Variants in MBD2 observed in about 807,000 individuals in gnomAD.
MBD2 encodes methyl-CpG binding domain protein 2, also known as methyl-CpG-binding domain protein 2.
MBD2 carries 9 observed loss-of-function variants against 39.3 expected under a neutral mutation model. The ratio of observed to expected loss-of-function variants is 0.23; its 90% CI spans 0.14 to 0.40. The LOEUF is 0.40. MBD2 is among the 10% of genes least tolerant of loss of function. MBD2 has a pLI of 1.00. For synonymous variants in MBD2, 233 were observed against 211.1 expected (o/e 1.10, Z -0.90); for missense variants, 458 against 532.6 (o/e 0.86, Z 1.38).
chr18:54,222,836 T>C (rs987414022), intron 1 of MBD2, among the ~76,000 whole-genome samples: 5 of 152,274 alleles, frequency 3.3e-5, no homozygotes, highest in African/African-American at 1.2e-4. Flanking sequence ...TGTGTGCATA[T>C]GTATGTATAT....
intron 3 of MBD2, among the ~76,000 whole-genome samples, chr18:54,179,330 C>A (rs656306): frequency 0.41 from 61,815 of 152,032 alleles, 12,934 homozygotes; most frequent in East Asian, 0.57. Context: ...CTTCCAGAGA[C>A]TATAAGAAGG....
intron 1 of MBD2, among the ~76,000 whole-genome samples, chr18:54,208,425 G>A (rs1349435331): frequency 6.6e-6 from 1 of 152,182 alleles, no homozygotes; most frequent in Non-Finnish European, 1.5e-5. Flanking sequence ...CCAGGAGACA[G>A]ACGTTGCGGC....
intron 2 of MBD2, chr18:54,203,149 G>A: frequency 1.2e-6 from 2 of 1,604,170 alleles, no homozygotes; most frequent in African/African-American, 2.7e-5. Flanking sequence ...ATTAGTGTTT[G>A]GTTTTTGATG....
intron 1 of MBD2, among the ~76,000 whole-genome samples, chr18:54,208,986 T>C (rs957075860): frequency 1.3e-5 from 2 of 152,164 alleles, no homozygotes; most frequent in African/African-American, 4.8e-5. Flanking sequence ...ATTTCTATTG[T>C]TTATTAATTT....
intron 1 of MBD2, chr18:54,222,273 TAATCAGAA>T: frequency 2.2e-6 from 1 of 457,544 alleles, no homozygotes. Context: ...CCTTTTTTTT[TAATCAGAA>T]GAAATTGTCC....
At chr18:54,200,036 T>G (rs1039619734) in intron 2 of MBD2, among the ~76,000 whole-genome samples, 10 of 152,154 alleles carry the variant, frequency 6.6e-5, no homozygotes, top group Admixed American at 3.3e-4. Flanking sequence ...CCAATCCAAG[T>G]GTGTATTTAT....
chr18:54,163,948 A>T (rs970807218), intron 5 of MBD2, among the ~76,000 whole-genome samples: 2 of 152,122 alleles, frequency 1.3e-5, no homozygotes, highest in Admixed American at 1.3e-4. Context: ...CAGGGATGTG[A>T]CGACAGCTCA....
At chr18:54,211,983 G>A (rs944784184) in intron 1 of MBD2, among the ~76,000 whole-genome samples, 6 of 152,000 alleles carry the variant, frequency 3.9e-5, no homozygotes, top group African/African-American at 1.4e-4. Context: ...AGCCTCCCAA[G>A]TAGCTGGGAT....
intron 2 of MBD2, among the ~76,000 whole-genome samples, chr18:54,200,187 A>C (rs1449916433): frequency 6.6e-6 from 1 of 152,226 alleles, no homozygotes; most frequent in Admixed American, 6.5e-5. Flanking sequence ...TGAATAGAGA[A>C]ATGTGACGAA....
intron 3 of MBD2, among the ~76,000 whole-genome samples, chr18:54,176,883 G>A (rs1356996475): frequency 6.6e-6 from 1 of 152,210 alleles, no homozygotes; most frequent in Non-Finnish European, 1.5e-5. Flanking sequence ...TAAGGCAAAA[G>A]ATAATTTGGG....
intron 2 of MBD2, among the ~76,000 whole-genome samples, chr18:54,198,126 C>A (rs2086379902): frequency 6.6e-6 from 1 of 152,214 alleles, no homozygotes; most frequent in Non-Finnish European, 1.5e-5. Flanking sequence ...GCAGTTCTTA[C>A]CACACTATGC....
At chr18:54,191,984 G>A (rs1386704270) in intron 2 of MBD2, among the ~76,000 whole-genome samples, 3 of 152,178 alleles carry the variant, frequency 2.0e-5, no homozygotes, top group Non-Finnish European at 4.4e-5. Context: ...CTAACTCTAC[G>A]AAGTGTGAGG....
chr18:54,184,967 GTCATTAAGAACAT>G (rs1425256076), intron 3 of MBD2, among the ~76,000 whole-genome samples: 1 of 152,102 alleles, frequency 6.6e-6, no homozygotes, highest in Non-Finnish European at 1.5e-5. Context: ...CTATTTGTCA[GTCATTAAGAACAT>G]TATAATGAGA....
At chr18:54,189,330 C>T (rs1259953236) in intron 2 of MBD2, among the ~76,000 whole-genome samples, 1 of 151,508 alleles carries the variant, frequency 6.6e-6, no homozygotes. Context: ...TCTGCTTACG[C>T]CATCCGCCTC....
chr18:54,165,268 C>T (rs1319547673), intron 4 of MBD2, among the ~76,000 whole-genome samples: 2 of 152,110 alleles, frequency 1.3e-5, no homozygotes, highest in East Asian at 3.9e-4. Context: ...TTTCATAAAC[C>T]TAACAAAATA....
chr18:54,200,945 T>A (rs2086402854), intron 2 of MBD2, among the ~76,000 whole-genome samples: 2 of 151,970 alleles, frequency 1.3e-5, no homozygotes, highest in Non-Finnish European at 2.9e-5. Flanking sequence ...CTGGGCGTGG[T>A]GGCGGGGGCC....
intron 1 of MBD2, among the ~76,000 whole-genome samples, chr18:54,216,617 T>C (rs1322661695): frequency 6.6e-6 from 1 of 152,210 alleles, no homozygotes; most frequent in East Asian, 1.9e-4. Flanking sequence ...TTCCCATTTC[T>C]GCTAGGGGAC....
At chr18:54,196,008 T>C (rs1456422849) in intron 2 of MBD2, among the ~76,000 whole-genome samples, 1 of 152,174 alleles carries the variant, frequency 6.6e-6, no homozygotes, top group Non-Finnish European at 1.5e-5. Context: ...TTCCACAAAA[T>C]CAAATGCCAA....
chr18:54,168,478 A>C (rs1323542811), intron 3 of MBD2, among the ~76,000 whole-genome samples: 1 of 151,276 alleles, frequency 6.6e-6, no homozygotes, highest in Non-Finnish European at 1.5e-5. Context: ...ATAAGAAACT[A>C]AGATTTTGCG....
Sources: allele counts gnomAD v4.1 joint callset (sites outside exome capture counted in the v4.1 genomes callset), GRCh38; gene constraint gnomAD v4.1.1; transcripts MANE v1.5; gene names NCBI Gene and HGNC (gene_info 2026-07-23, HGNC 2026-07-21).